PCTP: variants seen among roughly 807,000 people sequenced by gnomAD.
PCTP encodes the protein START domain-containing protein 2.
Under a neutral mutation model 31.0 loss-of-function variants are expected in PCTP, and 27 were observed. That is an observed-to-expected ratio of 0.87 (90% CI 0.64 to 1.20). PCTP has a LOEUF of 1.20. Ranked by LOEUF, PCTP falls within the 50% of genes most tolerant of loss-of-function variation. PCTP has a pLI of 0.00. For missense variants in PCTP, 287 were observed against 268.2 expected, an observed-to-expected ratio of 1.07 and a Z score of -0.49; for synonymous variants, 108 against 101.2, an observed-to-expected ratio of 1.07 and a Z score of -0.40.
intron 1 of PCTP, among the ~76,000 whole-genome samples, chr17:55,759,826 G>T (rs371996248): frequency 6.6e-6 from 1 of 152,142 alleles, no homozygotes; most frequent in Non-Finnish European, 1.5e-5. Flanking sequence ...CCTGTGTGGG[G>T]ATTGCAAGTG....
intron 3 of PCTP, among the ~76,000 whole-genome samples, chr17:55,789,070 G>A (rs1309475194): frequency 6.6e-6 from 1 of 152,046 alleles, no homozygotes; most frequent in East Asian, 1.9e-4. Context: ...TTCCTAAAAT[G>A]GAGTAATTAT....
chr17:55,834,159 T>C (rs890657114), intron 5 of PCTP, among the ~76,000 whole-genome samples: 4 of 152,184 alleles, frequency 2.6e-5, no homozygotes, highest in Non-Finnish European at 4.4e-5. Flanking sequence ...ACTCTGCTTT[T>C]GGAGTCAGTT....
At position 55,776,855 on chromosome 17, in the gene PCTP, C is replaced by A; in HGVS notation, c.*755C>A. On this transcript the variant is annotated 3_prime_UTR_variant, in exon 6 of 6. Coordinates refer to ENST00000268896, the MANE Select transcript of PCTP (RefSeq NM_021213.4). ...TTTCCATATGTCACTGGGGGAAAGGCTGCCTGTACCTCTCAAGCTTTGCAT... is the reference window on the plus strand; with the variant it reads ...TTTCCATATGTCACTGGGGGAAAGGATGCCTGTACCTCTCAAGCTTTGCAT... 1.0e-6 allele frequency: 1 copy of A among 1,002,326 alleles called. No homozygotes were observed. 62.1% of individuals were successfully genotyped at this position (1,002,326 alleles called of 1,614,324 possible). A position where few individuals can be genotyped will look rare whatever the true frequency, so the allele number is the denominator to read the frequency against.
chr17:55,769,724 C>T (rs1236666209), intron 2 of PCTP: 3 of 152,170 alleles, frequency 2.0e-5, no homozygotes, highest in Admixed American at 6.5e-5. Context: ...TGACTAACTA[C>T]GACTCTGGAC....
At chr17:55,826,603 C>A (rs1598019545), downstream of PCTP, among the ~76,000 whole-genome samples, 1 of 152,244 alleles carries the variant, frequency 6.6e-6, no homozygotes, top group East Asian at 1.9e-4. Flanking sequence ...TGGGCTACAG[C>A]CATAACGCTA....
At chr17:55,824,785 C>T (rs1905344989), downstream of PCTP, among the ~76,000 whole-genome samples, 1 of 152,196 alleles carries the variant, frequency 6.6e-6, no homozygotes, top group African/African-American at 2.4e-5. Flanking sequence ...ACTAAACTCC[C>T]TCTTGGAACA....
chr17:55,821,380 A>G (rs543619198), intron 3 of PCTP, among the ~76,000 whole-genome samples: 15 of 152,306 alleles, frequency 9.8e-5, no homozygotes, highest in African/African-American at 3.4e-4. Flanking sequence ...AGAAATGGGA[A>G]GTGATGCTAA....
exon 4 of PCTP, chr17:55,822,919 T>C (rs906842491): frequency 2.6e-6 from 2 of 762,570 alleles, no homozygotes; most frequent in Admixed American, 4.3e-5. Flanking sequence ...AACACTGAAA[T>C]GGGTGCAGGT....
chr17:55,833,358 C>T (rs1905670054), intron 5 of PCTP, among the ~76,000 whole-genome samples: 1 of 152,176 alleles, frequency 6.6e-6, no homozygotes. Flanking sequence ...GAACAATCTG[C>T]AAAGAAACTT....
At chr17:55,768,203 T>C (rs1454958014) in intron 2 of PCTP, among the ~76,000 whole-genome samples, 1 of 152,226 alleles carries the variant, frequency 6.6e-6, no homozygotes, top group East Asian at 1.9e-4. Context: ...TTTTAAATGT[T>C]GGACTGAAAT....
intron 1 of PCTP, among the ~76,000 whole-genome samples, chr17:55,756,974 A>G (rs1170463168): frequency 6.6e-6 from 1 of 152,006 alleles, no homozygotes; most frequent in Admixed American, 6.6e-5. Context: ...TTACTTTTTC[A>G]TTTTGAAATC....
At chr17:55,780,090 C>CT (rs59816865), downstream of PCTP, among the ~76,000 whole-genome samples, 227 of 138,862 alleles carry the variant, frequency 1.6e-3, 1 homozygote, top group East Asian at 3.2e-3. Flanking sequence ...CAAGGAAGAA[C>CT]TTTTTTTTTT....
At chr17:55,783,567 T>C (rs1026702733) in intron 2 of PCTP, among the ~76,000 whole-genome samples, 2 of 152,228 alleles carry the variant, frequency 1.3e-5, no homozygotes, top group African/African-American at 2.4e-5. Flanking sequence ...CAGCAACTTT[T>C]GTTTTATGTC....
At chr17:55,799,141 A>C (rs1407977100) in intron 3 of PCTP, among the ~76,000 whole-genome samples, 2 of 152,040 alleles carry the variant, frequency 1.3e-5, no homozygotes, top group Non-Finnish European at 2.9e-5. Context: ...AAAAGGACAT[A>C]GAAATTGATT....
At chr17:55,758,086 A>T (rs770108715) in intron 1 of PCTP, among the ~76,000 whole-genome samples, 1 of 152,206 alleles carries the variant, frequency 6.6e-6, no homozygotes, top group Non-Finnish European at 1.5e-5. Context: ...CCATGCCATT[A>T]ACCACTGCCC....
chr17:55,806,118 T>C (rs1054749962), intron 3 of PCTP, among the ~76,000 whole-genome samples: 3 of 152,122 alleles, frequency 2.0e-5, no homozygotes, highest in African/African-American at 7.2e-5. Flanking sequence ...AAATGGGCCA[T>C]GGATCACAGA....
chr17:55,828,893 C>T (rs1275933242), intron 5 of PCTP, among the ~76,000 whole-genome samples: 1 of 152,184 alleles, frequency 6.6e-6, no homozygotes, highest in African/African-American at 2.4e-5. Context: ...CCGGATATGG[C>T]CCCAGTCAGG....
downstream of PCTP, among the ~76,000 whole-genome samples, chr17:55,823,771 T>C (rs767913467): frequency 3.9e-5 from 6 of 152,196 alleles, no homozygotes; most frequent in Non-Finnish European, 7.3e-5. Context: ...GACACAACTT[T>C]TTCAACACTG....
At chr17:55,845,648 G>A (rs1431829730), downstream of PCTP, among the ~76,000 whole-genome samples, 3 of 152,060 alleles carry the variant, frequency 2.0e-5, no homozygotes, top group East Asian at 1.9e-4. Flanking sequence ...TTACTGTGGT[G>A]CCCAGCGCAG....
Sources: allele counts gnomAD v4.1 joint callset (sites outside exome capture counted in the v4.1 genomes callset), GRCh38; gene constraint gnomAD v4.1.1; transcripts MANE v1.5; gene names NCBI Gene and HGNC (gene_info 2026-07-23, HGNC 2026-07-21).